The following CEP63 variants were observed in gnomAD, a reference collection of about 807,000 sequenced individuals.
The protein encoded by CEP63 is centrosomal protein 63.
A neutral mutation model predicts 89.1 loss-of-function variants in CEP63; 84 were observed. The ratio of observed to expected loss-of-function variants is 0.94; its 90% confidence interval spans 0.79 to 1.13. The LOEUF (loss-of-function observed/expected upper bound fraction) is 1.13. CEP63 is among the 50% of genes most tolerant of loss of function. The pLI, the probability that CEP63 is intolerant of heterozygous loss-of-function variation, is 0.00. For synonymous variants in CEP63, 267 were observed against 272.5 expected (o/e 0.98, Z 0.20); for missense variants, 838 against 813.3 (o/e 1.03, Z -0.37).
rs533248106 is a variant in CEP63 at position 134,497,532 on chromosome 3, T to G, written c.44+2168T>G. Among the ~76,000 whole-genome samples, 21 of 151,946 alleles carry G rather than the reference T, an allele frequency of 1.4e-4. No individual in the cohort carries two copies. The East Asian group carries it at 2.5e-3, about 18-fold the overall frequency. On this transcript the variant is annotated intron_variant, in intron 2 of 14. Coordinates refer to ENST00000675561, the MANE Select transcript of CEP63 (RefSeq NM_001353108.3). The stretch of plus-strand genomic sequence containing the variant: ...GACCATAGGCATGTCATCTGGCTAA[T>G]TTAAGAAGGTTTTTTTTTTAAGAGA...
At chr3:134,656,790 C>T in the CEP63 span, among the ~76,000 whole-genome samples, 7 of 152,030 alleles carry the variant, frequency 4.6e-5, no homozygotes, top group South Asian at 4.2e-4. Context: ...CAGACTCAGG[C>T]GACCCATCTG....
At chr3:134,567,018 T>A (rs1056366577), downstream of CEP63, among the ~76,000 whole-genome samples, 2 of 152,192 alleles carry the variant, frequency 1.3e-5, no homozygotes, top group African/African-American at 4.8e-5. Context: ...GCAACCTAAA[T>A]ATCCATCATT....
rs66493822 is a variant in CEP63 at position 134,529,339 on chromosome 3, CTT to C, written c.223-2488_223-2487del. Among the ~76,000 whole-genome samples the C allele has an allele frequency of 5.0e-4, 59 of 116,928 alleles. 1 individual carries two copies. In the South Asian group the frequency reaches 0.014, roughly 28 times the overall value. The allele number at this position is 116,928 out of a possible 152,430, so 76.7% of individuals were successfully genotyped here. On this transcript the variant is annotated intron_variant, in intron 3 of 14. Coordinates refer to ENST00000675561, the MANE Select transcript of CEP63 (RefSeq NM_001353108.3). ...TTATAAAAGAACAAATCCCCATTGA[CTT>C]TTTTTTTTTTTTTTTTTGAGACTGA...
the CEP63 span, among the ~76,000 whole-genome samples, chr3:134,715,198 G>C: frequency 2.6e-5 from 4 of 152,166 alleles, no homozygotes; most frequent in African/African-American, 9.7e-5. Flanking sequence ...CCTCCATACA[G>C]AGCCCGAATC....
chr3:134,780,110 A>G, the CEP63 span, among the ~76,000 whole-genome samples: 1 of 152,170 alleles, frequency 6.6e-6, no homozygotes, highest in Non-Finnish European at 1.5e-5. Flanking sequence ...ATGTTTACCT[A>G]TCAGTGGGTG....
At chr3:134,738,263 C>CACACAG in the CEP63 span, among the ~76,000 whole-genome samples, 47 of 150,894 alleles carry the variant, frequency 3.1e-4, no homozygotes, top group African/African-American at 1.1e-3. Flanking sequence ...CACACACACA[C>CACACAG]ACACACACAC....
the CEP63 span, among the ~76,000 whole-genome samples, chr3:134,669,123 TCAAA>T: frequency 2.0e-5 from 3 of 152,146 alleles, no homozygotes; most frequent in Non-Finnish European, 4.4e-5. Flanking sequence ...CCTCCTGGGC[TCAAA>T]CAATCATCTC....
chr3:134,506,965 CTTCTGGTAATTTA>C (rs1307397155), intron 2 of CEP63, 131 bp from the exon 3 acceptor site: 19 of 351,196 alleles, frequency 5.4e-5, no homozygotes, highest in South Asian at 4.8e-4. Context: ...CTATTCTTTG[CTTCTGGTAATTTA>C]TTAATTTACA....
the CEP63 span, among the ~76,000 whole-genome samples, chr3:134,630,100 C>T: frequency 6.6e-6 from 1 of 152,184 alleles, no homozygotes; most frequent in South Asian, 2.1e-4. Flanking sequence ...AAAGGCATTC[C>T]CAAACCCAGA....
At chr3:134,507,563 C>T (rs955306329) in intron 3 of CEP63, among the ~76,000 whole-genome samples, 3 of 152,042 alleles carry the variant, frequency 2.0e-5, no homozygotes, top group Non-Finnish European at 4.4e-5. Context: ...GTTTGTTTAA[C>T]CTTCATCATA....
chr3:134,598,976 C>T, the CEP63 span, among the ~76,000 whole-genome samples: 1 of 152,338 alleles, frequency 6.6e-6, no homozygotes, highest in African/African-American at 2.4e-5. Flanking sequence ...AGCCCCTTGC[C>T]CTCAGGCAAG....
intron 2 of CEP63, among the ~76,000 whole-genome samples, chr3:134,502,033 C>T (rs1459212481): frequency 2.0e-5 from 3 of 152,070 alleles, no homozygotes; most frequent in African/African-American, 4.8e-5. Flanking sequence ...GGGCTTTTAA[C>T]GTGAAGGGAT....
At chr3:134,735,439 A>C in the CEP63 span, among the ~76,000 whole-genome samples, 1 of 152,200 alleles carries the variant, frequency 6.6e-6, no homozygotes, top group Non-Finnish European at 1.5e-5. Context: ...CAGCAGTTTA[A>C]CACCATGCTT....
At chr3:134,610,558 TG>T in the CEP63 span, 1 of 608,520 alleles carries the variant, frequency 1.6e-6, no homozygotes, top group Non-Finnish European at 2.9e-6. Context: ...CTCGGGGCAC[TG>T]GGGACAGGGA....
intron 1 of CEP63, among the ~76,000 whole-genome samples, chr3:134,490,220 A>G (rs1559848504): frequency 6.6e-6 from 1 of 152,176 alleles, no homozygotes; most frequent in Non-Finnish European, 1.5e-5. Context: ...CATTGTTTCC[A>G]ACATTTAACA....
At chr3:134,629,369 G>A in the CEP63 span, 1 of 483,382 alleles carries the variant, frequency 2.1e-6, no homozygotes, top group Admixed American at 3.4e-5. Context: ...ACACTCTTGT[G>A]ATGCAATGTG....
Position 134,562,100 on chromosome 3 carries a change from T to C in CEP63, c.*565T>C. ...GCTAAAGAACCTTATCAAGCAGTCCTCTCTTGCTCAACACTCATGCAGAGG... is the reference window on the plus strand; with the variant it reads ...GCTAAAGAACCTTATCAAGCAGTCCCCTCTTGCTCAACACTCATGCAGAGG... On this transcript the variant is annotated 3_prime_UTR_variant, in exon 15 of 15. Transcript: ENST00000675561. The C allele has an allele frequency of 3.0e-6, 3 of 992,210 alleles. No homozygotes were observed. The highest frequency in any genetic ancestry group is 3.6e-6 in the Non-Finnish European group (3 of 834,174). 61.5% of individuals were successfully genotyped at this position (992,210 alleles called of 1,614,324 possible).
the CEP63 span, among the ~76,000 whole-genome samples, chr3:134,741,844 G>A: frequency 6.6e-6 from 1 of 152,106 alleles, no homozygotes; most frequent in African/African-American, 2.4e-5. Context: ...ACTCTCAGGG[G>A]TTCAGCCTCA....
intron 3 of CEP63, among the ~76,000 whole-genome samples, chr3:134,518,147 T>C (rs946248749): frequency 2.6e-5 from 4 of 152,106 alleles, no homozygotes; most frequent in Non-Finnish European, 4.4e-5. Flanking sequence ...AATGTAGCCT[T>C]AAAATATACA....
Sources: gnomAD v4.1 joint callset for allele counts (sites outside exome capture counted in the v4.1 genomes callset) on GRCh38, gnomAD v4.1.1 for gene constraint, MANE v1.5 for transcripts, NCBI Gene and HGNC (gene_info 2026-07-23, HGNC 2026-07-21) for gene names.